The following DEUP1 variants were observed in gnomAD, a reference collection of about 807,000 sequenced individuals.
DEUP1 encodes deuterosome assembly protein 1, also known as coiled-coil domain containing 67.
Under a neutral mutation model 87.4 loss-of-function variants are expected in DEUP1, and 82 were observed. The ratio of observed to expected loss-of-function variants is 0.94; its 90% CI spans 0.78 to 1.13. The LOEUF is 1.13. DEUP1 is among the 50% of genes most tolerant of loss of function. The probability of loss-of-function intolerance (pLI) is 0.00; values close to 1 mark genes in which losing one functional copy is unlikely to be tolerated. For synonymous variants in DEUP1, 214 were observed against 222.7 expected, an observed-to-expected ratio of 0.96 and a Z score of 0.35; for missense variants, 663 against 681.5, an observed-to-expected ratio of 0.97 and a Z score of 0.30.
chr11:93,431,307 A>G (rs1022020145), intron 13 of DEUP1, among the ~76,000 whole-genome samples: 7 of 152,058 alleles, frequency 4.6e-5, no homozygotes, highest in Admixed American at 4.6e-4. Flanking sequence ...GGTAGAAGAG[A>G]GTTTTAAGTA....
intron 13 of DEUP1, among the ~76,000 whole-genome samples, chr11:93,434,085 G>C (rs1405393787): frequency 6.6e-6 from 1 of 152,120 alleles, no homozygotes; most frequent in Non-Finnish European, 1.5e-5. Flanking sequence ...CCTGGGGAAG[G>C]GGATCCGGGT....
chr11:93,434,313 G>A (rs1948179723), intron 13 of DEUP1, among the ~76,000 whole-genome samples: 1 of 152,198 alleles, frequency 6.6e-6, no homozygotes, highest in African/African-American at 2.4e-5. Flanking sequence ...CTCCCCGTCA[G>A]CCAACTCTTC....
chr11:93,351,409 T>C (rs186182468), intron 2 of DEUP1, among the ~76,000 whole-genome samples: 1 of 152,354 alleles, frequency 6.6e-6, no homozygotes, highest in Admixed American at 6.5e-5. Flanking sequence ...GCTGTGGTAC[T>C]ATACTAGGCT....
chr11:93,435,619 T>C (rs1199428153), intron 13 of DEUP1, among the ~76,000 whole-genome samples: 4 of 152,160 alleles, frequency 2.6e-5, no homozygotes, highest in Non-Finnish European at 5.9e-5. Flanking sequence ...ACCAAGTTAT[T>C]TGACCAAAGT....
intron 11 of DEUP1, among the ~76,000 whole-genome samples, chr11:93,407,971 A>G (rs558930953): frequency 6.6e-6 from 1 of 152,230 alleles, no homozygotes; most frequent in Non-Finnish European, 1.5e-5. Context: ...GCAATATTGT[A>G]TGTATTGCAC....
At chr11:93,379,836 A>G (rs1027654386) in intron 7 of DEUP1, among the ~76,000 whole-genome samples, 2 of 152,210 alleles carry the variant, frequency 1.3e-5, no homozygotes. Flanking sequence ...TGGTATTTAT[A>G]TATTAATGTA....
chr11:93,380,861 A>G (rs1011765374), intron 7 of DEUP1, among the ~76,000 whole-genome samples: 3 of 152,188 alleles, frequency 2.0e-5, no homozygotes, highest in Non-Finnish European at 4.4e-5. Flanking sequence ...TGCATTTTAT[A>G]TTTTACAAAA....
chr11:93,437,485 G>T, intron 13 of DEUP1, 58 bp from the exon 14 acceptor site: 1 of 1,347,110 alleles, frequency 7.4e-7, no homozygotes, highest in East Asian at 2.3e-5. Flanking sequence ...GCCTGGAAAT[G>T]GGAAGATTTT....
intron 13 of DEUP1, among the ~76,000 whole-genome samples, chr11:93,433,261 C>T (rs1365963990): frequency 3.9e-5 from 6 of 152,202 alleles, no homozygotes; most frequent in Admixed American, 3.9e-4. Flanking sequence ...AGCTGTGGCT[C>T]ACACCTACAA....
Position 93,394,140 on chromosome 11 carries a change from T to C in DEUP1, c.1042-319T>C, listed in dbSNP as rs574905780. ...ATCATGTAACCATTTTAAAGCCAAT[T>C]TTTTTCTCCATGAAAATGCTTGATA... On this transcript the variant is annotated intron_variant, in intron 9 of 13. Transcript: ENST00000298050. Among the ~76,000 whole-genome samples the C allele has an allele frequency of 3.3e-5, 5 of 152,282 alleles. No homozygotes were observed. The East Asian group carries it at 7.7e-4, about 24-fold the overall frequency.
At chr11:93,340,158 G>C (rs1943987204) in intron 2 of DEUP1, among the ~76,000 whole-genome samples, 1 of 152,108 alleles carries the variant, frequency 6.6e-6, no homozygotes, top group Non-Finnish European at 1.5e-5. Flanking sequence ...TATTATGTTG[G>C]GGGTGGTAAT....
At chr11:93,367,106 CTG>C (rs1273601788) in intron 5 of DEUP1, among the ~76,000 whole-genome samples, 1 of 152,074 alleles carries the variant, frequency 6.6e-6, no homozygotes, top group African/African-American at 2.4e-5. Context: ...TAAATATAGT[CTG>C]TTTATCATGA....
intron 4 of DEUP1, among the ~76,000 whole-genome samples, chr11:93,361,626 A>T (rs1945181900): frequency 6.6e-6 from 1 of 152,094 alleles, no homozygotes; most frequent in Non-Finnish European, 1.5e-5. Flanking sequence ...ACTAAAAAAG[A>T]TCTACAAAGA....
At chr11:93,437,491 A>ATTT in intron 13 of DEUP1, 52 bp from the exon 14 acceptor site, 1 of 1,432,040 alleles carries the variant, frequency 7.0e-7, no homozygotes, top group Non-Finnish European at 9.5e-7. Flanking sequence ...AAATGGGAAG[A>ATTT]TTTTTTAAAG....
At chr11:93,379,094 C>T (rs1024656501) in intron 7 of DEUP1, among the ~76,000 whole-genome samples, 1 of 152,176 alleles carries the variant, frequency 6.6e-6, no homozygotes, top group Non-Finnish European at 1.5e-5. Flanking sequence ...CAGTGAAGTT[C>T]ACCTTCTTCA....
intron 12 of DEUP1, 27 bp from the exon 13 acceptor site, chr11:93,414,973 C>A (rs1011181820): frequency 3.1e-6 from 4 of 1,303,964 alleles, no homozygotes; most frequent in Admixed American, 2.5e-5. Flanking sequence ...TTGATAGCAA[C>A]AACAACAACC....
chr11:93,397,765 G>A (rs1332172839), intron 11 of DEUP1, among the ~76,000 whole-genome samples: 1 of 152,034 alleles, frequency 6.6e-6, no homozygotes, highest in Non-Finnish European at 1.5e-5. Flanking sequence ...AGGAGGAGAT[G>A]GGTTGAATGT....
chr11:93,388,942 G>T (rs553959117), intron 8 of DEUP1, 78 bp from the exon 9 acceptor site: 1 of 822,436 alleles, frequency 1.2e-6, no homozygotes, highest in East Asian at 2.8e-5. Context: ...GCCTGTAATG[G>T]TCTAAATTAA....
chr11:93,354,807 T>C (rs773191590), intron 2 of DEUP1, among the ~76,000 whole-genome samples: 10 of 152,230 alleles, frequency 6.6e-5, no homozygotes, highest in Admixed American at 1.3e-4. Context: ...GTGGGAATTC[T>C]GGGAGATACA....
Sources: gnomAD v4.1 joint callset for allele counts (sites outside exome capture counted in the v4.1 genomes callset) on GRCh38, gnomAD v4.1.1 for gene constraint, MANE v1.5 for transcripts, NCBI Gene and HGNC (gene_info 2026-07-23, HGNC 2026-07-21) for gene names.